The following F13A1 variants were observed in gnomAD, a reference collection of about 807,000 sequenced individuals.
F13A1 encodes FSF, A subunit.
A neutral mutation model predicts 80.1 loss-of-function variants in F13A1; 47 were observed. The ratio of observed to expected loss-of-function variants is 0.59; its 90% CI spans 0.46 to 0.75. F13A1 has a LOEUF of 0.75. Among genes scored for constraint, F13A1 ranks in the 30% least tolerant of loss-of-function variants. The pLI is 0.00. For missense variants in F13A1, 817 were observed against 930.4 expected (o/e 0.88, Z 1.59); for synonymous variants, 349 against 344.9 (o/e 1.01, Z -0.13).
In F13A1 at chr6:6,285,137, T is replaced by C. The variant is rs541677363; in HGVS notation, c.320-18328A>G. On this transcript the variant is annotated intron_variant, in intron 3 of 14. Transcript: ENST00000264870. Reference sequence around the variant, plus strand: ...GGTGGCGGGCACCTGTAATCCCAGCTACTCAGGAGGCTGAGGCAAGAGAAT... The same window carrying C: ...GGTGGCGGGCACCTGTAATCCCAGCCACTCAGGAGGCTGAGGCAAGAGAAT... Among the ~76,000 whole-genome samples the C allele has an allele frequency of 7.9e-5, 12 of 152,278 alleles. No homozygotes were observed. In the South Asian group the frequency reaches 2.5e-3, roughly 32 times the overall value.
intron 3 of F13A1, among the ~76,000 whole-genome samples, chr6:6,304,059 G>A (rs1758474479): frequency 6.6e-6 from 1 of 151,970 alleles, no homozygotes; most frequent in Admixed American, 6.5e-5. Context: ...CTCTTACATT[G>A]TTCATTTACT....
rs142045059 is a variant in F13A1, at chr6:6,173,568, G to A, written c.1747+1012C>T. ...GACTACAGGTGCCTGCCACCACGCCGGGCTAATTTTTGTATTTTTAGTAGA... is the reference window on the plus strand; with the variant it reads ...GACTACAGGTGCCTGCCACCACGCCAGGCTAATTTTTGTATTTTTAGTAGA... On this transcript the variant is annotated intron_variant, in intron 12 of 14. Coordinates refer to ENST00000264870, the MANE Select transcript of F13A1 (RefSeq NM_000129.4). Among the ~76,000 whole-genome samples the A allele has an allele frequency of 3.4e-3, 521 of 151,968 alleles. 3 individuals are homozygous for A. The highest frequency in any genetic ancestry group is 0.012 in the African/African-American group (499 of 41,460).
At chr6:6,183,758 T>A (rs1452560152) in intron 10 of F13A1, among the ~76,000 whole-genome samples, 2 of 152,164 alleles carry the variant, frequency 1.3e-5, no homozygotes, top group Non-Finnish European at 2.9e-5. Context: ...AATACTAGAT[T>A]TGCTGCAAGA....
At chr6:6,189,125 G>A (rs1371278225) in intron 10 of F13A1, among the ~76,000 whole-genome samples, 54 of 76,848 alleles carry the variant, frequency 7.0e-4, no homozygotes, top group South Asian at 1.8e-3. Flanking sequence ...GTCTCTGCAT[G>A]TGAGATGGGT....
At chr6:6,163,975 A>T (rs4416719) in intron 13 of F13A1, among the ~76,000 whole-genome samples, 125,497 of 152,130 alleles carry the variant, frequency 0.82, 51,969 homozygotes, top group African/African-American at 0.88. Flanking sequence ...CACGAGTACC[A>T]GTTATTTTTT....
At chr6:6,253,142 CAAAAAA>C (rs397886568) in intron 4 of F13A1, among the ~76,000 whole-genome samples, 3 of 73,946 alleles carry the variant, frequency 4.1e-5, no homozygotes, top group Non-Finnish European at 7.8e-5. Context: ...GAATCTGTCC[CAAAAAA>C]AAAAAAAAAA....
intron 3 of F13A1, among the ~76,000 whole-genome samples, chr6:6,274,113 G>A (rs1757956337): frequency 6.6e-6 from 1 of 152,130 alleles, no homozygotes; most frequent in African/African-American, 2.4e-5. Flanking sequence ...TCTAGCTCAG[G>A]CAAACTTAGG....
At chr6:6,150,234 C>T (rs565958573) in intron 14 of F13A1, among the ~76,000 whole-genome samples, 12 of 152,156 alleles carry the variant, frequency 7.9e-5, no homozygotes, top group Non-Finnish European at 1.3e-4. Flanking sequence ...TTTGCCTGAA[C>T]GATTCTTGCA....
chr6:6,255,076 C>T (rs532352074), intron 4 of F13A1, among the ~76,000 whole-genome samples: 13 of 152,228 alleles, frequency 8.5e-5, no homozygotes, highest in Non-Finnish European at 1.9e-4. Context: ...TCCCTGAACC[C>T]TTTCCTTTCC....
At chr6:6,281,993 CAAAAAA>C (rs10584369) in intron 3 of F13A1, among the ~76,000 whole-genome samples, 13 of 93,382 alleles carry the variant, frequency 1.4e-4, no homozygotes, top group African/African-American at 4.6e-4. Context: ...GACTCCGTCT[CAAAAAA>C]AAAAAAAAAA....
In F13A1 at chr6:6,182,539, G is replaced by A. The variant is rs999171725; in HGVS notation, c.1306-398C>T. Among the ~76,000 whole-genome samples the A allele has an allele frequency of 3.9e-5, 6 of 152,178 alleles. No homozygotes were observed. The East Asian group carries it at 1.2e-3, about 29-fold the overall frequency. Reference sequence around the variant, plus strand: ...TACTGCCAGGAGGAAGAGGAAGTCTGCTAGGTGGCTTCTGGGAAACATTTT... The same window carrying A: ...TACTGCCAGGAGGAAGAGGAAGTCTACTAGGTGGCTTCTGGGAAACATTTT... On this transcript the variant is annotated intron_variant, in intron 10 of 14. Transcript: ENST00000264870.
At chr6:6,227,814 C>G (rs1303880557) in intron 6 of F13A1, among the ~76,000 whole-genome samples, 1 of 152,200 alleles carries the variant, frequency 6.6e-6, no homozygotes, top group Non-Finnish European at 1.5e-5. Context: ...AAAAAAAGCT[C>G]TGTCCTCTAC....
chr6:6,172,297 A>C (rs1224465081), intron 12 of F13A1, among the ~76,000 whole-genome samples: 1 of 152,060 alleles, frequency 6.6e-6, no homozygotes, highest in Non-Finnish European at 1.5e-5. Flanking sequence ...AAACTCTCTG[A>C]AATCAAATGT....
intron 7 of F13A1, among the ~76,000 whole-genome samples, chr6:6,224,463 A>G (rs1291816584): frequency 3.9e-5 from 6 of 152,120 alleles, no homozygotes; most frequent in African/African-American, 1.4e-4. Context: ...CACAGGATAT[A>G]GTCTATCATT....
intron 2 of F13A1, among the ~76,000 whole-genome samples, chr6:6,306,182 T>C (rs1758510278): frequency 1.3e-5 from 2 of 152,312 alleles, no homozygotes; most frequent in South Asian, 4.1e-4. Flanking sequence ...ATAAGTGTGA[T>C]TGTTTTCAGT....
At chr6:6,211,800 G>A (rs1278509485) in intron 8 of F13A1, among the ~76,000 whole-genome samples, 1 of 152,206 alleles carries the variant, frequency 6.6e-6, no homozygotes, top group Non-Finnish European at 1.5e-5. Context: ...CCAGACAGTG[G>A]GCGCAGGTTA....
At chr6:6,185,039 C>G (rs536612543) in intron 10 of F13A1, among the ~76,000 whole-genome samples, 5 of 152,030 alleles carry the variant, frequency 3.3e-5, no homozygotes, top group African/African-American at 9.6e-5. Flanking sequence ...AATTGACGCT[C>G]TATGGTAGAA....
At chr6:6,150,866 C>CT (rs1388351467) in intron 14 of F13A1, among the ~76,000 whole-genome samples, 1 of 151,756 alleles carries the variant, frequency 6.6e-6, no homozygotes, top group Non-Finnish European at 1.5e-5. Context: ...AGAGAGAGAG[C>CT]TGAAACCATG....
intron 10 of F13A1, among the ~76,000 whole-genome samples, chr6:6,191,375 T>A (rs559803722): frequency 6.6e-6 from 1 of 152,274 alleles, no homozygotes; most frequent in East Asian, 1.9e-4. Context: ...ATGTTAGTGA[T>A]CCCCTTTTTC....
Sources: gnomAD v4.1 joint callset for allele counts (sites outside exome capture counted in the v4.1 genomes callset) on GRCh38, gnomAD v4.1.1 for gene constraint, MANE v1.5 for transcripts, NCBI Gene and HGNC (gene_info 2026-07-23, HGNC 2026-07-21) for gene names.